DENND2B: variants seen among roughly 807,000 people sequenced by gnomAD.
The protein encoded by DENND2B is DENN domain-containing protein 2B.
DENND2B carries 32 observed loss-of-function variants against 116.0 expected under a neutral mutation model. The observed-to-expected ratio is 0.28, with a 90% confidence interval of 0.21 to 0.37. The LOEUF (loss-of-function observed/expected upper bound fraction) is 0.37, where lower values mean the gene tolerates loss of function less well. DENND2B is among the 10% of genes least tolerant of loss of function. The pLI is 1.00. For synonymous variants in DENND2B, 588 were observed against 583.9 expected (o/e 1.01, Z -0.10); for missense variants, 1,276 against 1,477.7 (o/e 0.86, Z 2.24).
intron 2 of DENND2B, among the ~76,000 whole-genome samples, chr11:8,748,003 T>G (rs887102981): frequency 6.6e-6 from 1 of 152,152 alleles, no homozygotes; most frequent in African/African-American, 2.4e-5. Context: ...GGGTCCCATC[T>G]GCCCACCCCC....
upstream of DENND2B, among the ~76,000 whole-genome samples, chr11:8,875,866 T>G (rs1230625041): frequency 1.3e-5 from 2 of 152,182 alleles, no homozygotes; most frequent in African/African-American, 4.8e-5. Flanking sequence ...TTTACCATGG[T>G]GCAAAACCAA....
chr11:8,715,338 C>T lies in DENND2B; in HGVS notation c.1845+265G>A, dbSNP rs995714114. ...GTGTGCGGATACCCCAAAATTCATA[C>T]ACCACACTTACTAATGGGGAACCTC... On this transcript the variant is annotated intron_variant, in intron 6 of 19. Coordinates refer to ENST00000313726, the MANE Select transcript of DENND2B (RefSeq NM_213618.2). 21 of 488,340 alleles carry T rather than the reference C, an allele frequency of 4.3e-5. No homozygotes were observed. In the East Asian group the frequency reaches 7.3e-4, roughly 17 times the overall value. The allele number at this position is 488,340 out of a possible 1,614,324, so 30.3% of individuals were successfully genotyped here. A position where few individuals can be genotyped will look rare whatever the true frequency, so the allele number is the denominator to read the frequency against.
At position 8,717,746 on chromosome 11, in the gene DENND2B, T is replaced by C. The variant is rs2045205197; in HGVS notation, c.1624A>G (p.Thr542Ala). Residue 542 changes from threonine (T) to alanine (A), a missense_variant, in exon 5 of 20, where the codon ACA (threonine) becomes GCA (alanine). Transcript: ENST00000313726. ...CGATGTCAGGGCTGAGTTACCTGTG[T>C]GGGCGGGCTGTTGTACTTCCTGTCC... ...PQDRKYNSPP[T>A]QLSLKPNSQS... 1 of 1,563,098 alleles carries C rather than the reference T, an allele frequency of 6.4e-7. No individual in the cohort carries two copies. Among genetic ancestry groups the C allele is most frequent in the Non-Finnish European group, 8.7e-7 (1 of 1,149,278 alleles).
intron 2 of DENND2B, among the ~76,000 whole-genome samples, chr11:8,866,648 C>T (rs574164365): frequency 5.3e-5 from 8 of 152,332 alleles, no homozygotes; most frequent in African/African-American, 1.7e-4. Context: ...CCACCTCTAT[C>T]TGGCCCTAAG....
At chr11:8,869,569 G>A (rs1269449564) in intron 2 of DENND2B, among the ~76,000 whole-genome samples, 1 of 152,074 alleles carries the variant, frequency 6.6e-6, no homozygotes, top group African/African-American at 2.4e-5. Flanking sequence ...GGCTGAGGCA[G>A]GAGAATTGCT....
chr11:8,711,018 G>A, intron 10 of DENND2B, 104 bp from the exon 11 acceptor site: 3 of 1,560,984 alleles, frequency 1.9e-6, no homozygotes, highest in Non-Finnish European at 2.6e-6. Context: ...GGGCCAGGTT[G>A]CTGTAGGAGA....
chr11:8,896,976 G>C (rs2064109704), intron 1 of DENND2B, among the ~76,000 whole-genome samples: 3 of 152,196 alleles, frequency 2.0e-5, no homozygotes. Flanking sequence ...GGTGGCTCAT[G>C]CCTTGTAATC....
chr11:8,789,171 GT>G (rs1775875931), intron 1 of DENND2B, among the ~76,000 whole-genome samples: 1 of 152,158 alleles, frequency 6.6e-6, no homozygotes. Flanking sequence ...AAATTCAGTG[GT>G]AAAAAAGGAA....
Position 8,731,058 on chromosome 11 carries a change from G to A in DENND2B, c.232C>T (p.Gln78Ter), listed in dbSNP as rs138818386. 1.9e-6 allele frequency: 3 copies of A among 1,613,912 alleles called. No homozygotes were observed. The African/African-American group carries it at 4.0e-5, about 22-fold the overall frequency. Residue 78 changes from glutamine (Q) to a stop codon, truncating the protein, a stop_gained, in exon 3 of 20, where the codon CAG becomes TAG. Coordinates refer to ENST00000313726, the MANE Select transcript of DENND2B (RefSeq NM_213618.2). LOFTEE classifies it high-confidence loss of function. ...TCTGGGGAGGGATCTTGAGGATTCT[G>A]GGGTGAAGGAGCTGGGGGGTGCCGG... ...KDRHPPAPSP[Q>*]NPQDPSPDTS...
intron 1 of DENND2B, among the ~76,000 whole-genome samples, chr11:8,770,738 C>A (rs1163426777): frequency 6.6e-6 from 1 of 152,156 alleles, no homozygotes; most frequent in Non-Finnish European, 1.5e-5. Context: ...GTCACCCAGG[C>A]TGAAGTGCAG....
intron 4 of DENND2B, among the ~76,000 whole-genome samples, chr11:8,829,067 T>G (rs1429597116): frequency 6.8e-6 from 1 of 146,480 alleles, no homozygotes; most frequent in Non-Finnish European, 1.5e-5. Context: ...GTGTGTGGTG[T>G]GGTGTGTATG....
chr11:8,818,833 G>T (rs905077217), intron 4 of DENND2B, among the ~76,000 whole-genome samples: 1 of 152,058 alleles, frequency 6.6e-6, no homozygotes. Context: ...ACTAAAAAGG[G>T]TATTAATAAT....
At chr11:8,843,619 C>G (rs190820447) in intron 3 of DENND2B, among the ~76,000 whole-genome samples, 17 of 152,298 alleles carry the variant, frequency 1.1e-4, no homozygotes, top group African/African-American at 3.4e-4. Context: ...CCACAGATCT[C>G]CAGCCCCACC....
chr11:8,806,640 C>CACACACACACACACACACA (rs1555201307), intron 1 of DENND2B, among the ~76,000 whole-genome samples: 13 of 9,284 alleles, frequency 1.4e-3, no homozygotes, highest in Non-Finnish European at 4.5e-3. Flanking sequence ...ACACACACAC[C>CACACACACACACACACACA]CAGGAGAGCT....
At chr11:8,814,028 C>T (rs1314161163), upstream of DENND2B, among the ~76,000 whole-genome samples, 3 of 152,164 alleles carry the variant, frequency 2.0e-5, no homozygotes, top group Non-Finnish European at 2.9e-5. Context: ...ACTGAGAGGC[C>T]TGCAAGCATA....
intron 1 of DENND2B, among the ~76,000 whole-genome samples, chr11:8,882,094 T>C (rs2063909722): frequency 6.6e-6 from 1 of 152,162 alleles, no homozygotes; most frequent in South Asian, 2.1e-4. Context: ...TGCCAAACTA[T>C]TATCTCTAGC....
In DENND2B at chr11:8,750,669, A is replaced by G; in HGVS notation, c.32T>C (p.Ile11Thr). The G allele has an allele frequency of 6.2e-7, 1 of 1,614,168 alleles. No homozygotes were observed. The highest frequency in any genetic ancestry group is 8.5e-7 in the Non-Finnish European group (1 of 1,180,016). Residue 11 changes from isoleucine to threonine, a missense_variant, in exon 2 of 20, where the codon ATC becomes ACC. Ile to Thr is a moderately conservative substitution (Grantham distance 89, BLOSUM62 -1). Coordinates refer to ENST00000313726, the MANE Select transcript of DENND2B (RefSeq NM_213618.2). ...TTTAGTGCCACCAGCTCCGTGGGTG[A>G]TGCTGGAATTCTTGTTGGCAGTCAT... MTMTANKNSS[I>T]THGAGGTKAP...
chr11:8,815,487 A>G (rs2061537737), upstream of DENND2B, among the ~76,000 whole-genome samples: 1 of 152,012 alleles, frequency 6.6e-6, no homozygotes, highest in Admixed American at 6.5e-5. Flanking sequence ...AGGCACAACC[A>G]CAGTGCACTG....
At chr11:8,825,326 T>C (rs1272863857) in intron 4 of DENND2B, among the ~76,000 whole-genome samples, 1 of 152,234 alleles carries the variant, frequency 6.6e-6, no homozygotes, top group Non-Finnish European at 1.5e-5. Context: ...ATGTCTTCTT[T>C]TGAAAAGTGT....
Sources: allele counts gnomAD v4.1 joint callset (sites outside exome capture counted in the v4.1 genomes callset), GRCh38; gene constraint gnomAD v4.1.1; transcripts MANE v1.5; gene names NCBI Gene and HGNC (gene_info 2026-07-23, HGNC 2026-07-21).